The following MCF2L2 variants were observed in gnomAD, a reference collection of about 807,000 sequenced individuals.
MCF2L2 encodes probable guanine nucleotide exchange factor MCF2L2.
A neutral mutation model predicts 150.2 loss-of-function variants in MCF2L2; 102 were observed. The ratio of observed to expected loss-of-function variants is 0.68; its 90% CI spans 0.58 to 0.80. The LOEUF (loss-of-function observed/expected upper bound fraction) is 0.80, where lower values mean the gene tolerates loss of function less well. Among genes scored for constraint, MCF2L2 ranks in the 30% least tolerant of loss-of-function variants. The pLI is 0.00. For synonymous variants in MCF2L2, 465 were observed against 491.3 expected, an observed-to-expected ratio of 0.95 and a Z score of 0.71; for missense variants, 1,256 against 1,372.8, an observed-to-expected ratio of 0.91 and a Z score of 1.34.
chr3:183,275,470 C>T (rs1290666229), intron 15 of MCF2L2, among the ~76,000 whole-genome samples: 1 of 152,218 alleles, frequency 6.6e-6, no homozygotes, highest in Admixed American at 6.5e-5. Context: ...TCTTGATTAA[C>T]TCAGTGGCTA....
At chr3:183,383,210 A>ATATT (rs57752623) in intron 2 of MCF2L2, among the ~76,000 whole-genome samples, 19 of 121,390 alleles carry the variant, frequency 1.6e-4, no homozygotes, top group African/African-American at 5.6e-4. Context: ...AAGAATTTTT[A>ATATT]TATTTATTTA....
intron 5 of MCF2L2, among the ~76,000 whole-genome samples, chr3:183,324,235 AGC>A (rs1729935262): frequency 6.6e-6 from 1 of 152,178 alleles, no homozygotes; most frequent in Non-Finnish European, 1.5e-5. Flanking sequence ...TTTATAAGCT[AGC>A]AGTTCCGCTG....
intron 3 of MCF2L2, among the ~76,000 whole-genome samples, chr3:183,354,195 T>G (rs1711627808): frequency 6.6e-6 from 1 of 152,188 alleles, no homozygotes; most frequent in African/African-American, 2.4e-5. Flanking sequence ...CCAACCTGAC[T>G]CTAGTACAGC....
rs1356515376 is a variant in MCF2L2, at chr3:183,184,941, G to A, written c.3017-4782C>T. Among the ~76,000 whole-genome samples the A allele has an allele frequency of 4.0e-5, 6 of 149,666 alleles. No individual in the cohort carries two copies. In the South Asian group the frequency reaches 1.1e-3, roughly 26 times the overall value. On this transcript the variant is annotated intron_variant, in intron 27 of 29. Coordinates refer to ENST00000328913, the MANE Select transcript of MCF2L2 (RefSeq NM_015078.4). ...TCTTTTTCTTTTTTTTTTTTGAGAC[G>A]GAGTCTCGCTCTATTGCCAGGCTGG...
chr3:183,381,865 T>C (rs761117546), intron 2 of MCF2L2, among the ~76,000 whole-genome samples: 1 of 151,936 alleles, frequency 6.6e-6, no homozygotes, highest in South Asian at 2.1e-4. Context: ...GTTTCACAAC[T>C]ATGGGAAGTT....
chr3:183,351,189 AGTAT>A (rs1560034784), intron 3 of MCF2L2, among the ~76,000 whole-genome samples: 2 of 59,860 alleles, frequency 3.3e-5, no homozygotes, highest in African/African-American at 9.6e-5. Flanking sequence ...TATTTTCTTA[AGTAT>A]ATATATATAT....
intron 3 of MCF2L2, among the ~76,000 whole-genome samples, chr3:183,350,770 G>A (rs1731081060): frequency 6.6e-6 from 1 of 152,072 alleles, no homozygotes; most frequent in Non-Finnish European, 1.5e-5. Flanking sequence ...TGGGCGTGGT[G>A]GCGGGCGCCT....
chr3:183,179,768 C>A lies in MCF2L2; in HGVS notation c.3106-76G>T. ...GCCAGACCGGGCAAGGTGGTGACTC[C>A]CGCTGGCAGGCTGAGGCCCACCCCA... On this transcript the variant is annotated intron_variant, in intron 28 of 29. Transcript: ENST00000328913. This position sits in a 1 kb window ranked among gnomAD's most constrained non-coding sequence, Gnocchi z 4.2. The A allele has an allele frequency of 3.7e-6, 5 of 1,338,696 alleles. No homozygotes were observed. The highest frequency in any genetic ancestry group is 3.2e-6 in the Non-Finnish European group (3 of 946,428). The allele number at this position is 1,338,696 out of a possible 1,614,324, so 82.9% of individuals were successfully genotyped here. A position where few individuals can be genotyped will look rare whatever the true frequency, so the allele number is the denominator to read the frequency against.
Position 183,379,179 on chromosome 3 carries a change from T to C in MCF2L2, c.275+118A>G, listed in dbSNP as rs1713368957. 7.9e-6 allele frequency: 5 copies of C among 636,322 alleles called. No individual in the cohort carries two copies. The Admixed American group carries it at 1.2e-4, about 15-fold the overall frequency. The allele number at this position is 636,322 out of a possible 1,614,324, so 39.4% of individuals were successfully genotyped here. On this transcript the variant is annotated intron_variant, in intron 3 of 29. Coordinates refer to ENST00000328913, the MANE Select transcript of MCF2L2 (RefSeq NM_015078.4). ...TGGGTGACAGAAGCCAGCTGGGTTA[T>C]TATGCATACCAGGGTACACCATGCT...
At chr3:183,349,410 GTT>G (rs1321199208) in intron 3 of MCF2L2, among the ~76,000 whole-genome samples, 3 of 152,056 alleles carry the variant, frequency 2.0e-5, no homozygotes, top group Non-Finnish European at 2.9e-5. Flanking sequence ...CGGTAAAAAT[GTT>G]TTCTCACTTC....
intron 3 of MCF2L2, among the ~76,000 whole-genome samples, chr3:183,349,488 T>G (rs946206650): frequency 1.3e-5 from 2 of 152,238 alleles, no homozygotes; most frequent in Non-Finnish European, 2.9e-5. Flanking sequence ...CGAATGTTAC[T>G]GGGCACTGAT....
intron 15 of MCF2L2, among the ~76,000 whole-genome samples, chr3:183,243,050 C>A (rs988420307): frequency 5.9e-5 from 9 of 152,200 alleles, no homozygotes; most frequent in African/African-American, 2.2e-4. Context: ...CCATTTTGAA[C>A]AGGTATTTTT....
intron 1 of MCF2L2, among the ~76,000 whole-genome samples, chr3:183,390,915 A>ACAAAT (rs1410217491): frequency 6.6e-6 from 1 of 152,178 alleles, no homozygotes; most frequent in Non-Finnish European, 1.5e-5. Flanking sequence ...ACAAAACAAA[A>ACAAAT]CAAAAACAAT....
intron 5 of MCF2L2, 32 bp from the exon 6 acceptor site, chr3:183,323,383 C>A: frequency 9.0e-7 from 1 of 1,113,544 alleles, no homozygotes; most frequent in Non-Finnish European, 1.4e-6. Context: ...AAACATACTC[C>A]TCATTGATCA....
chr3:183,327,727 T>C (rs1730109390), intron 5 of MCF2L2, among the ~76,000 whole-genome samples: 1 of 152,208 alleles, frequency 6.6e-6, no homozygotes, highest in South Asian at 2.1e-4. Flanking sequence ...CTGACATATC[T>C]CACATCTTAT....
chr3:183,300,060 T>A lies in MCF2L2; in HGVS notation c.1250A>T (p.Lys417Met), dbSNP rs148752650. The change falls in exon 11 of 30, where the codon AAG (lysine) becomes ATG (methionine). Residue 417 changes from lysine (K) to methionine (M), a missense_variant. Lys to Met is a moderately conservative substitution (Grantham distance 95, BLOSUM62 -1). Coordinates refer to ENST00000328913, the MANE Select transcript of MCF2L2 (RefSeq NM_015078.4). Reference sequence around the variant, plus strand: ...CTTTCCTAAAATGTCCCATTTTTTCTTGTTTCCATTGATGAAATCGTCACA... The same window carrying A: ...CTTTCCTAAAATGTCCCATTTTTTCATGTTTCCATTGATGAAATCGTCACA... Reference protein sequence around the residue: ...HLCDDFINGNKKKWDILGKSL... With the variant: ...HLCDDFINGNMKKWDILGKSL... The A allele has an allele frequency of 5.1e-5, 82 of 1,613,914 alleles. No homozygotes were observed. In the African/African-American group the frequency reaches 9.1e-4, roughly 18 times the overall value.
chr3:183,326,096 A>C (rs1354306793), intron 5 of MCF2L2, among the ~76,000 whole-genome samples: 1 of 152,060 alleles, frequency 6.6e-6, no homozygotes, highest in African/African-American at 2.4e-5. Flanking sequence ...AGTAAAGAAG[A>C]GTGTGGTAAT....
chr3:183,416,162 TTGC>T (rs1715577139), intron 1 of MCF2L2, among the ~76,000 whole-genome samples: 1 of 152,176 alleles, frequency 6.6e-6, no homozygotes, highest in South Asian at 2.1e-4. Flanking sequence ...TCTTCCCACT[TTGC>T]TGCTATTATT....
At chr3:183,247,084 G>T (rs2108688666) in intron 15 of MCF2L2, among the ~76,000 whole-genome samples, 1 of 152,300 alleles carries the variant, frequency 6.6e-6, no homozygotes, top group South Asian at 2.1e-4. Flanking sequence ...TAGGATGCAT[G>T]CCAATTCTGT....
Sources: allele counts gnomAD v4.1 joint callset (sites outside exome capture counted in the v4.1 genomes callset), GRCh38; gene constraint gnomAD v4.1.1; non-coding constraint Gnocchi (gnomAD v3.1); transcripts MANE v1.5; gene names NCBI Gene and HGNC (gene_info 2026-07-23, HGNC 2026-07-21).